Variants in VPS13C observed in about 807,000 individuals in gnomAD.
VPS13C encodes intermembrane lipid transfer protein VPS13C.
VPS13C carries 358 observed loss-of-function variants against 456.8 expected under a neutral mutation model. The ratio of observed to expected loss-of-function variants is 0.78; its 90% CI spans 0.72 to 0.86. VPS13C has a LOEUF of 0.86. Ranked by LOEUF, VPS13C falls within the 40% of genes least tolerant of loss-of-function variation. VPS13C has a pLI of 0.00. For missense variants in VPS13C, 4,818 were observed against 4,385.4 expected, an observed-to-expected ratio of 1.10 and a Z score of -2.79; for synonymous variants, 1,578 against 1,486.7, an observed-to-expected ratio of 1.06 and a Z score of -1.41.
At chr15:61,889,429 T>C (rs1301233714) in intron 67 of VPS13C, among the ~76,000 whole-genome samples, 2 of 152,136 alleles carry the variant, frequency 1.3e-5, no homozygotes, top group Non-Finnish European at 2.9e-5. Flanking sequence ...ACTTTTCTCC[T>C]TAATTTGCTT....
chr15:61,950,212 C>A, intron 41 of VPS13C, 146 bp downstream of exon 41: 1 of 658,880 alleles, frequency 1.5e-6, no homozygotes, highest in South Asian at 1.8e-5. Flanking sequence ...ATTCTAGTAT[C>A]TACTTAACTT....
Position 61,963,806 on chromosome 15 carries a change from C to T in VPS13C, c.3331+29G>A, listed in dbSNP as rs762645491. 1.8e-5 allele frequency: 28 copies of T among 1,515,322 alleles called. No homozygotes were observed. The East Asian group carries it at 2.0e-4, about 11-fold the overall frequency. The allele number at this position is 1,515,322 out of a possible 1,614,324, so 93.9% of individuals were successfully genotyped here. A position where few individuals can be genotyped will look rare whatever the true frequency, so the allele number is the denominator to read the frequency against. On this transcript the variant is annotated intron_variant, in intron 32 of 84. Transcript: ENST00000644861. ...AAAGAAGGAAAAGTTTATCTTTTCG[C>T]CAATTTTCAATGCCGTGTGAACTTT...
At chr15:61,955,614 G>A (rs910282004) in intron 37 of VPS13C, among the ~76,000 whole-genome samples, 4 of 152,068 alleles carry the variant, frequency 2.6e-5, no homozygotes, top group Non-Finnish European at 4.4e-5. Context: ...ATGTGAACCA[G>A]GGGAAATGAT....
chr15:62,041,395 C>T (rs1039627126), intron 2 of VPS13C, 29 bp from the exon 3 acceptor site: 2 of 1,586,200 alleles, frequency 1.3e-6, no homozygotes, highest in Non-Finnish European at 1.7e-6. Context: ...ATGTAAAGGA[C>T]ATCTTAAATT....
At chr15:61,966,231 GT>G in intron 29 of VPS13C, 89 bp from the exon 30 acceptor site, 1 of 835,476 alleles carries the variant, frequency 1.2e-6, no homozygotes, top group Admixed American at 2.8e-5. Context: ...TTTATTTATA[GT>G]TATAAATGTA....
chr15:61,977,759 CAAT>C (rs2045747649), intron 23 of VPS13C, among the ~76,000 whole-genome samples: 1 of 151,952 alleles, frequency 6.6e-6, no homozygotes, highest in African/African-American at 2.4e-5. Context: ...TTATTGATGA[CAAT>C]GACTGAAAAT....
chr15:62,012,167 A>T lies in VPS13C; in HGVS notation c.826-3T>A. On this transcript the variant is annotated splice_region_variant and splice_polypyrimidine_tract_variant and intron_variant, in intron 11 of 84. Coordinates refer to ENST00000644861, the MANE Select transcript of VPS13C (RefSeq NM_020821.3). ...AGAATTTCATTTTTCAGCTGATCCT[A>T]AACAAAAAATTTGAATGAGAATGAA... The T allele has an allele frequency of 6.5e-7, 1 of 1,538,942 alleles. No individual in the cohort carries two copies. Among genetic ancestry groups the T allele is most frequent in the Non-Finnish European group, 9.0e-7 (1 of 1,116,342 alleles).
chr15:61,907,796 T>C (rs1040771211), intron 65 of VPS13C, among the ~76,000 whole-genome samples: 1 of 152,236 alleles, frequency 6.6e-6, no homozygotes, highest in African/African-American at 2.4e-5. Flanking sequence ...CAGGCTGGAA[T>C]GCAGTGTTCA....
chr15:62,024,996 T>C (rs1397598522), intron 6 of VPS13C, among the ~76,000 whole-genome samples: 2 of 152,054 alleles, frequency 1.3e-5, no homozygotes, highest in Admixed American at 1.3e-4. Context: ...CCAGGGCCTG[T>C]ACCTTACACA....
intron 65 of VPS13C, among the ~76,000 whole-genome samples, chr15:61,907,692 G>T (rs1164098903): frequency 6.6e-6 from 1 of 152,156 alleles, no homozygotes; most frequent in Non-Finnish European, 1.5e-5. Flanking sequence ...CTGTGGAAAT[G>T]GCTGTGAAGA....
intron 1 of VPS13C, among the ~76,000 whole-genome samples, chr15:62,058,565 A>G (rs913774582): frequency 4.6e-5 from 7 of 152,240 alleles, no homozygotes; most frequent in African/African-American, 1.7e-4. Context: ...AGCAATCCAG[A>G]GATGACCAAA....
Position 62,020,658 on chromosome 15 carries a change from T to G in VPS13C, c.625-120A>C, listed in dbSNP as rs1362379088. ...GTTAAGCCATACAACCCAAATGGAT[T>G]TGTGGAAAACACAGGGGAAGGAGGT... On this transcript the variant is annotated intron_variant, in intron 8 of 84. Transcript: ENST00000644861. 9.2e-6 allele frequency: 8 copies of G among 874,312 alleles called. No individual in the cohort carries two copies. The Admixed American group carries it at 9.2e-5, about 10-fold the overall frequency. The allele number at this position is 874,312 out of a possible 1,614,324, so 54.2% of individuals were successfully genotyped here.
At chr15:61,980,351 T>C (rs181068822) in intron 22 of VPS13C, among the ~76,000 whole-genome samples, 3 of 152,116 alleles carry the variant, frequency 2.0e-5, no homozygotes, top group East Asian at 1.9e-4. Context: ...ATGGCAACAG[T>C]TTTTGGGGAT....
chr15:62,002,975 T>A (rs1388437165), intron 15 of VPS13C, among the ~76,000 whole-genome samples: 1 of 152,184 alleles, frequency 6.6e-6, no homozygotes, highest in East Asian at 1.9e-4. Flanking sequence ...CTTTGTTCTT[T>A]TGGCTCAGGA....
At chr15:61,959,354 A>G in intron 36 of VPS13C, 94 bp downstream of exon 36, 1 of 1,145,442 alleles carries the variant, frequency 8.7e-7, no homozygotes, top group Non-Finnish European at 1.2e-6. Context: ...TATACTATTC[A>G]GCAAAAGAGT....
Position 62,013,985 on chromosome 15 carries a change from T to C in VPS13C, c.692A>G (p.Asn231Ser), listed in dbSNP as rs765202414. The C allele has an allele frequency of 1.1e-5, 17 of 1,610,354 alleles. No homozygotes were observed. Among genetic ancestry groups the C allele is most frequent in the Non-Finnish European group, 1.4e-5 (17 of 1,177,712 alleles). The change falls in exon 10 of 85, where the codon AAT (asparagine) becomes AGT (serine). Residue 231 changes from asparagine (N) to serine (S), a missense_variant. Around this residue, in one of 3 missense-constraint regions of VPS13C, gnomAD observed 4,552 missense variants for 4,130.6 expected, o/e 1.10. Coordinates refer to ENST00000644861, the MANE Select transcript of VPS13C (RefSeq NM_020821.3). ...TAATATGCATGGAGTCCAGTGTTCA[T>C]TTGCAGTCTAAAAGAAAAAAGGGAA... ...TLGELSLLTA[N>S]EHWTPCILNE...
intron 67 of VPS13C, among the ~76,000 whole-genome samples, chr15:61,888,516 A>G (rs1896435081): frequency 6.6e-6 from 1 of 152,202 alleles, no homozygotes; most frequent in Admixed American, 6.5e-5. Context: ...CTATTATTCA[A>G]TAATACAAAG....
At chr15:61,916,106 A>G in intron 60 of VPS13C, 84 bp from the exon 61 acceptor site, 1 of 1,412,628 alleles carries the variant, frequency 7.1e-7, no homozygotes, top group South Asian at 1.5e-5. Context: ...TGCTAAATAA[A>G]CTACCAGATG....
At chr15:61,861,171 C>T (rs537440224) in intron 82 of VPS13C, among the ~76,000 whole-genome samples, 63 of 151,938 alleles carry the variant, frequency 4.1e-4, no homozygotes, top group South Asian at 8.3e-4. Context: ...CCATGTTGGC[C>T]AGGCTGGTCT....
Sources: allele counts gnomAD v4.1 joint callset (sites outside exome capture counted in the v4.1 genomes callset), GRCh38; gene constraint gnomAD v4.1.1; regional missense constraint gnomAD v4.1.1; transcripts MANE v1.5; gene names NCBI Gene and HGNC (gene_info 2026-07-23, HGNC 2026-07-21).